ENAH: variants seen among roughly 807,000 people sequenced by gnomAD.
ENAH encodes the protein protein enabled homolog.
Under a neutral mutation model 78.7 loss-of-function variants are expected in ENAH, and 23 were observed. That is an observed-to-expected ratio of 0.29 (90% CI 0.21 to 0.41). The LOEUF is 0.41. Among genes scored for constraint, ENAH ranks in the 10% least tolerant of loss-of-function variants. The probability of loss-of-function intolerance (pLI) is 1.00; values close to 1 mark genes in which losing one functional copy is unlikely to be tolerated. For missense variants in ENAH, 544 were observed against 691.0 expected, an observed-to-expected ratio of 0.79 and a Z score of 2.39; for synonymous variants, 226 against 241.0, an observed-to-expected ratio of 0.94 and a Z score of 0.58.
At chr1:225,530,679 T>A (rs754063077) in intron 3 of ENAH, 41 bp from the exon 4 acceptor site, 1 of 1,424,284 alleles carries the variant, frequency 7.0e-7, no homozygotes, top group Non-Finnish European at 9.9e-7. Flanking sequence ...ATTATTTTCA[T>A]ATCTAGCTGG....
chr1:225,503,658 C>CAAAAAAAAAAAAAAAAAAAAAA (rs10683254), intron 11 of ENAH, among the ~76,000 whole-genome samples: 1 of 82,946 alleles, frequency 1.2e-5, no homozygotes, highest in Non-Finnish European at 2.2e-5. Flanking sequence ...CAAACCACCT[C>CAAAAAAAAAAAAAAAAAAAAAA]AAAAAAAAAA....
At chr1:225,625,656 C>T (rs1174262562) in intron 1 of ENAH, among the ~76,000 whole-genome samples, 1 of 152,152 alleles carries the variant, frequency 6.6e-6, no homozygotes, top group Non-Finnish European at 1.5e-5. Flanking sequence ...GCTAGGATTA[C>T]AGGCATGTGC....
At chr1:225,558,227 AT>A (rs2096677799) in intron 2 of ENAH, among the ~76,000 whole-genome samples, 1 of 152,160 alleles carries the variant, frequency 6.6e-6, no homozygotes, top group African/African-American at 2.4e-5. Flanking sequence ...CTTAAAATGA[AT>A]TGGCACTGTA....
chr1:225,517,630 GA>G (rs1558739478), intron 5 of ENAH: 1 of 1,550,596 alleles, frequency 6.4e-7, no homozygotes, highest in Admixed American at 2.0e-5. Context: ...AGGGAGGGGC[GA>G]AAAATTGGAA....
At chr1:225,515,098 A>G (rs1016930322) in intron 6 of ENAH, 198 bp from the exon 7 acceptor site, 4 of 572,354 alleles carry the variant, frequency 7.0e-6, no homozygotes, top group African/African-American at 2.0e-5. Flanking sequence ...ATATATAACT[A>G]CTTACTTTAG....
intron 10 of ENAH, among the ~76,000 whole-genome samples, chr1:225,510,357 C>T (rs2096366745): frequency 6.6e-6 from 1 of 152,042 alleles, no homozygotes; most frequent in Non-Finnish European, 1.5e-5. Context: ...CAATTTTCCT[C>T]CCTGGAAAGA....
At chr1:225,638,626 G>A (rs1660481870) in intron 1 of ENAH, among the ~76,000 whole-genome samples, 1 of 152,194 alleles carries the variant, frequency 6.6e-6, no homozygotes, top group Non-Finnish European at 1.5e-5. Context: ...GCAGGACTTA[G>A]GCCATAATGA....
intron 3 of ENAH, among the ~76,000 whole-genome samples, chr1:225,538,928 G>A (rs2096575535): frequency 6.6e-6 from 1 of 152,170 alleles, no homozygotes; most frequent in Admixed American, 6.5e-5. Context: ...TGTGTCCTCA[G>A]GTTCATTGCT....
chr1:225,560,482 CA>C (rs111277597), intron 2 of ENAH, among the ~76,000 whole-genome samples: 2,419 of 121,806 alleles, frequency 0.02, 46 homozygotes, highest in African/African-American at 0.059. Flanking sequence ...CAGAGTGAGA[CA>C]AAAAAAAAAA....
intron 3 of ENAH, among the ~76,000 whole-genome samples, chr1:225,546,622 A>G (rs2096615098): frequency 6.6e-6 from 1 of 152,204 alleles, no homozygotes. Context: ...TGGTTGAGAA[A>G]GGCTAAGGAA....
rs746347122 is a variant in ENAH, at chr1:225,507,964, G to A, written c.1525C>T (p.Pro509Ser). The change falls in exon 11 of 14, where the codon CCT (proline) becomes TCT (serine). Residue 509 changes from proline (P) to serine (S), a missense_variant. Pro to Ser is a moderately conservative substitution (Grantham distance 74). Around this residue, in one of 4 missense-constraint regions of ENAH, gnomAD observed 97 missense variants for 124.4 expected, o/e 0.78. Coordinates refer to ENST00000366843, the MANE Select transcript of ENAH (RefSeq NM_018212.6). ...RTNTMNGSKS[P>S]VISRPKSTPL... is the part of the protein sequence containing the mutation. ...AAAAATTGATACCTGGAGATAACAG[G>A]TGACTTGCTGCCATTCATTGTATTT... The A allele has an allele frequency of 1.9e-6, 3 of 1,555,704 alleles. No individual in the cohort carries two copies. The highest frequency in any genetic ancestry group is 1.3e-5 in the South Asian group (1 of 78,880).
intron 3 of ENAH, among the ~76,000 whole-genome samples, chr1:225,543,660 T>C (rs2096599887): frequency 6.6e-6 from 1 of 152,242 alleles, no homozygotes; most frequent in African/African-American, 2.4e-5. Context: ...ACCAAAAATT[T>C]TGAATTATTT....
chr1:225,622,769 C>T (rs1038879444), intron 1 of ENAH, among the ~76,000 whole-genome samples: 3 of 152,174 alleles, frequency 2.0e-5, no homozygotes, highest in African/African-American at 4.8e-5. Context: ...GGAGCATACA[C>T]ATATTCAGAC....
chr1:225,604,718 A>G (rs975358309), intron 1 of ENAH, among the ~76,000 whole-genome samples: 2 of 151,996 alleles, frequency 1.3e-5, no homozygotes, highest in Non-Finnish European at 2.9e-5. Context: ...GCTTAAGCCC[A>G]TGAGGCAGGG....
intron 1 of ENAH, among the ~76,000 whole-genome samples, chr1:225,627,651 A>G (rs1420074563): frequency 6.6e-6 from 1 of 152,200 alleles, no homozygotes; most frequent in Admixed American, 6.5e-5. Flanking sequence ...TCCATACTTA[A>G]TACTAAATTA....
intron 1 of ENAH, among the ~76,000 whole-genome samples, chr1:225,598,751 A>G (rs540245662): frequency 1.2e-4 from 18 of 152,172 alleles, no homozygotes; most frequent in Non-Finnish European, 2.1e-4. Context: ...CTTAACACCC[A>G]GTAAAATATA....
rs1196397617 is a variant in ENAH at position 225,494,412 on chromosome 1, T to A, written c.*3363A>T. 1 of 152,188 alleles carries A rather than the reference T, an allele frequency of 6.6e-6. No individual in the cohort carries two copies. Among genetic ancestry groups the A allele is most frequent in the Non-Finnish European group, 1.5e-5 (1 of 68,012 alleles). 9.4% of individuals were successfully genotyped at this position (152,188 alleles called of 1,614,324 possible). A position where few individuals can be genotyped will look rare whatever the true frequency, so the allele number is the denominator to read the frequency against. ...CTCAATAATGCCCTTTACCACACAA[T>A]GTCCTTTACCATGCAAACTACATAA... On this transcript the variant is annotated 3_prime_UTR_variant, in exon 14 of 14. Coordinates refer to ENST00000366843, the MANE Select transcript of ENAH (RefSeq NM_018212.6).
intron 11 of ENAH, among the ~76,000 whole-genome samples, chr1:225,503,870 T>C (rs2096304262): frequency 6.6e-6 from 1 of 152,146 alleles, no homozygotes; most frequent in Non-Finnish European, 1.5e-5. Context: ...ACTTAATTCA[T>C]ATTCCCAGTG....
At chr1:225,604,314 A>G (rs960893300) in intron 1 of ENAH, among the ~76,000 whole-genome samples, 2 of 152,172 alleles carry the variant, frequency 1.3e-5, no homozygotes, top group African/African-American at 2.4e-5. Context: ...TTAACTTTGG[A>G]AAATGTCAAT....
Sources: allele counts gnomAD v4.1 joint callset (sites outside exome capture counted in the v4.1 genomes callset), GRCh38; gene constraint gnomAD v4.1.1; regional missense constraint gnomAD v4.1.1; transcripts MANE v1.5; gene names NCBI Gene and HGNC (gene_info 2026-07-23, HGNC 2026-07-21).